SRRM4: variants seen among roughly 807,000 people sequenced by gnomAD.
SRRM4 encodes serine/arginine repetitive matrix 4.
In SRRM4, 33 loss-of-function variants were observed where a neutral mutation model predicts 68.9. The observed-to-expected ratio is 0.48, with a 90% confidence interval of 0.36 to 0.64. The LOEUF (loss-of-function observed/expected upper bound fraction) is 0.64. SRRM4 is among the 30% of genes least tolerant of loss of function. The probability of loss-of-function intolerance (pLI) is 0.00; values close to 1 mark genes in which losing one functional copy is unlikely to be tolerated. For synonymous variants in SRRM4, 318 were observed against 318.8 expected, an observed-to-expected ratio of 1.00 and a Z score of 0.03; for missense variants, 817 against 827.1, an observed-to-expected ratio of 0.99 and a Z score of 0.15.
At chr12:119,145,956 G>A (rs1183950081) in intron 9 of SRRM4, among the ~76,000 whole-genome samples, 1 of 152,112 alleles carries the variant, frequency 6.6e-6, no homozygotes, top group Non-Finnish European at 1.5e-5. Context: ...TTATTCTCAA[G>A]CAGATCCTCC....
At chr12:119,002,377 G>A (rs1953390349) in intron 1 of SRRM4, among the ~76,000 whole-genome samples, 1 of 152,064 alleles carries the variant, frequency 6.6e-6, no homozygotes, top group Non-Finnish European at 1.5e-5. Context: ...TTATCATAGT[G>A]CTAGGCACTT....
intron 1 of SRRM4, among the ~76,000 whole-genome samples, chr12:119,042,632 G>C (rs779226220): frequency 2.7e-4 from 41 of 151,250 alleles, no homozygotes; most frequent in Non-Finnish European, 4.4e-4. Context: ...GGGATGAGAG[G>C]AGGAGAGGGA....
intron 8 of SRRM4, among the ~76,000 whole-genome samples, chr12:119,131,722 T>C (rs1218884428): frequency 6.6e-6 from 1 of 152,202 alleles, no homozygotes; most frequent in Non-Finnish European, 1.5e-5. Context: ...CACTTCCGTA[T>C]GGAATTGTTG....
chr12:119,104,034 A>G (rs922368927), intron 2 of SRRM4, among the ~76,000 whole-genome samples: 3 of 152,144 alleles, frequency 2.0e-5, no homozygotes, highest in Non-Finnish European at 4.4e-5. Flanking sequence ...TGTCTCCTAG[A>G]TGGAATCTGA....
intron 1 of SRRM4, among the ~76,000 whole-genome samples, chr12:118,998,613 T>C (rs1953364619): frequency 6.6e-6 from 1 of 152,244 alleles, no homozygotes; most frequent in African/African-American, 2.4e-5. Flanking sequence ...TTCCCTCTCC[T>C]AACACATTTT....
chr12:119,146,751 A>T (rs1954404948), intron 9 of SRRM4, among the ~76,000 whole-genome samples: 1 of 152,100 alleles, frequency 6.6e-6, no homozygotes, highest in Admixed American at 6.6e-5. Context: ...CCTGGCTAAC[A>T]CAGTGAAACC....
Position 119,013,414 on chromosome 12 carries a change from A to G in SRRM4, c.131+31401A>G, listed in dbSNP as rs114391789. Among the ~76,000 whole-genome samples the G allele has an allele frequency of 3.6e-3, 553 of 152,318 alleles. 3 individuals are homozygous for G. The highest frequency in any genetic ancestry group is 0.012 in the African/African-American group (504 of 41,574). ...CTGCTTTCTTCTAAATATTTTGTAA[A>G]TGAGTTTTAATCATAAAAGTTACAC... On this transcript the variant is annotated intron_variant, in intron 1 of 12. Coordinates refer to ENST00000267260, the MANE Select transcript of SRRM4 (RefSeq NM_194286.4).
chr12:119,006,286 ATGT>A (rs1704717982), intron 1 of SRRM4, among the ~76,000 whole-genome samples: 1 of 152,014 alleles, frequency 6.6e-6, no homozygotes, highest in South Asian at 2.1e-4. Context: ...CCAGGATCTG[ATGT>A]TAGGGTGTGA....
chr12:119,070,783 C>T (rs1323143941), intron 1 of SRRM4, among the ~76,000 whole-genome samples: 1 of 152,222 alleles, frequency 6.6e-6, no homozygotes, highest in Non-Finnish European at 1.5e-5. Flanking sequence ...TTCCACTATT[C>T]CCCTGGAGTC....
At chr12:118,984,349 G>T (rs529444981) in intron 1 of SRRM4, among the ~76,000 whole-genome samples, 1 of 152,192 alleles carries the variant, frequency 6.6e-6, no homozygotes, top group South Asian at 2.1e-4. Flanking sequence ...CACAATATCA[G>T]CTGGGTTTGG....
chr12:119,145,517 G>A lies in SRRM4; in HGVS notation c.908G>A (p.Arg303Lys). 1.9e-6 allele frequency: 3 copies of A among 1,609,098 alleles called. No individual in the cohort carries two copies. The highest frequency in any genetic ancestry group is 2.5e-6 in the Non-Finnish European group (3 of 1,177,076). Reference sequence around the variant, plus strand: ...CCCTCCACGCAAACCAGCTCAGCCAGGTCTCGGGGCCAGGAGAAGGGGAGC... The same window carrying A: ...CCCTCCACGCAAACCAGCTCAGCCAAGTCTCGGGGCCAGGAGAAGGGGAGC... ...SPPSTQTSSA[R>K]SRGQEKGSPS... The change falls in exon 9 of 13, where the codon AGG (arginine) becomes AAG (lysine). Residue 303 changes from arginine to lysine, a missense_variant. Transcript: ENST00000267260.
chr12:119,127,348 ACT>A (rs1954268378), intron 7 of SRRM4, among the ~76,000 whole-genome samples: 1 of 151,986 alleles, frequency 6.6e-6, no homozygotes, highest in Non-Finnish European at 1.5e-5. Flanking sequence ...CTCACACTTG[ACT>A]CTCCGTTCAC....
chr12:118,997,931 A>T (rs1335151909), intron 1 of SRRM4, among the ~76,000 whole-genome samples: 1 of 152,148 alleles, frequency 6.6e-6, no homozygotes, highest in Non-Finnish European at 1.5e-5. Flanking sequence ...CTTGTAAGGC[A>T]CTAATTGTCA....
intron 1 of SRRM4, among the ~76,000 whole-genome samples, chr12:119,052,592 G>T (rs958600425): frequency 6.6e-6 from 1 of 152,118 alleles, no homozygotes; most frequent in South Asian, 2.1e-4. Context: ...GTAGTAGCGC[G>T]ATCTCGGCTC....
chr12:119,002,952 TC>T (rs1953394090), intron 1 of SRRM4, among the ~76,000 whole-genome samples: 3 of 150,394 alleles, frequency 2.0e-5, no homozygotes, highest in Admixed American at 1.3e-4. Context: ...TGCTTCAACC[TC>T]GCAACCACCC....
intron 1 of SRRM4, among the ~76,000 whole-genome samples, chr12:119,022,753 G>GT (rs1250840069): frequency 2.0e-5 from 3 of 152,278 alleles, no homozygotes; most frequent in African/African-American, 7.2e-5. Context: ...ATCAATTGAA[G>GT]TTTTTTCAGC....
At position 119,156,840 on chromosome 12, in the gene SRRM4, C is replaced by T. The variant is rs1954477199; in HGVS notation, c.*42C>T. On this transcript the variant is annotated 3_prime_UTR_variant, in exon 13 of 13. Coordinates refer to ENST00000267260, the MANE Select transcript of SRRM4 (RefSeq NM_194286.4). The stretch of plus-strand genomic sequence containing the variant: ...TGCCCGTGGGGGCCCCTTCGCGCTG[C>T]CAGCCTCCCCCAACCACCTGCCCTC... 1 of 1,478,236 alleles carries T rather than the reference C, an allele frequency of 6.8e-7. No individual in the cohort carries two copies. Among genetic ancestry groups the T allele is most frequent in the Non-Finnish European group, 8.9e-7 (1 of 1,117,692 alleles). The allele number at this position is 1,478,236 out of a possible 1,614,324, so 91.6% of individuals were successfully genotyped here.
At chr12:119,025,680 G>A (rs60650216) in intron 1 of SRRM4, among the ~76,000 whole-genome samples, 5,552 of 151,982 alleles carry the variant, frequency 0.037, 453 homozygotes, top group African/African-American at 0.13. Context: ...CCGACCTCAG[G>A]TGATCCACCT....
chr12:119,089,746 TATCATC>T (rs10565255), intron 1 of SRRM4, among the ~76,000 whole-genome samples: 10 of 151,434 alleles, frequency 6.6e-5, no homozygotes, highest in African/African-American at 1.5e-4. Flanking sequence ...TCATCCTCAA[TATCATC>T]ATCATCATCA....
Sources: gnomAD v4.1 joint callset for allele counts (sites outside exome capture counted in the v4.1 genomes callset) on GRCh38, gnomAD v4.1.1 for gene constraint, MANE v1.5 for transcripts, NCBI Gene and HGNC (gene_info 2026-07-23, HGNC 2026-07-21) for gene names.